Variants in POLR3A observed in about 807,000 individuals in gnomAD.
The protein encoded by POLR3A is RNA polymerase III subunit A.
Under a neutral mutation model 152.8 loss-of-function variants are expected in POLR3A, and 112 were observed. The ratio of observed to expected loss-of-function variants is 0.73; its 90% CI spans 0.63 to 0.86. The LOEUF (loss-of-function observed/expected upper bound fraction) is 0.86, where lower values mean the gene tolerates loss of function less well. POLR3A is among the 40% of genes least tolerant of loss of function. POLR3A has a pLI of 0.00. For synonymous variants in POLR3A, 615 were observed against 652.1 expected, an observed-to-expected ratio of 0.94 and a Z score of 0.87; for missense variants, 1,385 against 1,743.1, an observed-to-expected ratio of 0.79 and a Z score of 3.66.
At chr10:78,018,787 T>C (rs1485489090) in intron 9 of POLR3A, among the ~76,000 whole-genome samples, 2 of 152,236 alleles carry the variant, frequency 1.3e-5, no homozygotes, top group East Asian at 3.9e-4. Context: ...TTCTTTGCCA[T>C]ATTGGCCAGG....
chr10:77,982,626 C>A (rs1454095269), intron 27 of POLR3A, 27 bp downstream of exon 27: 2 of 1,608,706 alleles, frequency 1.2e-6, no homozygotes, highest in South Asian at 1.1e-5. Context: ...GATGCTGGGT[C>A]TCCATGAGAA....
chr10:78,010,383 C>T (rs1451374054), intron 12 of POLR3A, 88 bp downstream of exon 12: 1 of 1,058,046 alleles, frequency 9.5e-7, no homozygotes, highest in Admixed American at 1.7e-5. Context: ...TATTAAATAG[C>T]TTTTCAAGTC....
intron 5 of POLR3A, 42 bp from the exon 6 acceptor site, chr10:78,022,426 G>T: frequency 6.2e-7 from 1 of 1,605,918 alleles, no homozygotes. Context: ...TACTATGTTA[G>T]TTTTCCATAG....
chr10:77,993,399 T>A (rs1847268600), intron 19 of POLR3A, 32 bp from the exon 20 acceptor site: 1 of 1,581,206 alleles, frequency 6.3e-7, no homozygotes, highest in Non-Finnish European at 8.7e-7. Context: ...GCTCAGCTGC[T>A]TTGAGAAGAC....
At chr10:77,978,335 CTAAAT>C (rs1295093232) in intron 30 of POLR3A, among the ~76,000 whole-genome samples, 2 of 152,156 alleles carry the variant, frequency 1.3e-5, no homozygotes, top group Non-Finnish European at 2.9e-5. Context: ...AGGCAAACAA[CTAAAT>C]TAAAGACCAA....
At chr10:77,989,799 T>A (rs1156389174) in intron 21 of POLR3A, among the ~76,000 whole-genome samples, 2 of 152,052 alleles carry the variant, frequency 1.3e-5, no homozygotes, top group African/African-American at 4.8e-5. Context: ...GATAAATACG[T>A]AAACATGAGC....
chr10:78,001,771 G>T (rs972672556), intron 17 of POLR3A, among the ~76,000 whole-genome samples: 10 of 152,116 alleles, frequency 6.6e-5, no homozygotes, highest in African/African-American at 9.7e-5. Context: ...GATTAGCTGG[G>T]ACGACAGGCA....
intron 19 of POLR3A, among the ~76,000 whole-genome samples, chr10:77,995,215 T>A (rs562263315): frequency 6.6e-6 from 1 of 152,200 alleles, no homozygotes; most frequent in Non-Finnish European, 1.5e-5. Context: ...ACATGCCAAA[T>A]TGTAAAGACC....
In POLR3A at chr10:77,982,992, A is replaced by G. The variant is rs570866029; in HGVS notation, c.3430-175T>C. On this transcript the variant is annotated intron_variant, in intron 26 of 30. Coordinates refer to ENST00000372371, the MANE Select transcript of POLR3A (RefSeq NM_007055.4). ...TGTTTTATGTACTATATGTGTATAT[A>G]TATCTATGCTTTATTCATAAAAAGA... 1.8e-4 allele frequency among the ~76,000 whole-genome samples: 27 copies of G among 152,326 alleles called. No individual in the cohort carries two copies. The South Asian group carries it at 5.6e-3, about 32-fold the overall frequency.
intron 11 of POLR3A, 146 bp downstream of exon 11, chr10:78,013,504 T>A: frequency 1.3e-6 from 1 of 772,434 alleles, no homozygotes; most frequent in South Asian, 1.4e-5. Flanking sequence ...AAAAGAGAGA[T>A]ATATAGGCAG....
rs772908045 is a variant in POLR3A, at chr10:77,982,772, G to A, written c.3475C>T (p.Arg1159Cys). The part of the protein sequence containing the change: ...VRYSICTSKL[R>C]VKPGDVAVHG... ...ACAGCCACATCACCGGGCTTCACAC[G>A]GAGCTTGGATGTGCAGATGGAATAT... is the stretch of plus-strand genomic sequence containing the variant. Residue 1159 changes from arginine to cysteine, a missense_variant, in exon 27 of 31, where the codon CGT becomes TGT. Physicochemically the swap from Arg to Cys is radical, Grantham distance 180 (BLOSUM62 -3). This residue lies in a region of POLR3A where 332 missense variants were observed against 400.1 expected (regional missense o/e 0.83). Transcript: ENST00000372371. 22 of 1,614,028 alleles carry A rather than the reference G, an allele frequency of 1.4e-5. No individual in the cohort carries two copies. The highest frequency in any genetic ancestry group is 8.8e-5 in the South Asian group (8 of 91,062).
intron 6 of POLR3A, 56 bp from the exon 7 acceptor site, chr10:78,022,078 AT>A: frequency 6.2e-7 from 1 of 1,614,102 alleles, no homozygotes; most frequent in East Asian, 2.2e-5. Flanking sequence ...TTTTTCTCAC[AT>A]TTTCTTGACC....
chr10:77,981,324 C>T, intron 29 of POLR3A, 104 bp downstream of exon 29: 2 of 1,107,092 alleles, frequency 1.8e-6, no homozygotes, highest in South Asian at 1.2e-5. Context: ...TATGATGGTC[C>T]TCACAGCAGC....
rs575796773 is a variant in POLR3A, at chr10:78,025,008, C to T, written c.453G>A (p.Arg151=). Residue 151 remains arginine (R), a synonymous_variant, in exon 4 of 31, where the codon CGG becomes CGA. Coordinates refer to ENST00000372371, the MANE Select transcript of POLR3A (RefSeq NM_007055.4). ...CACAGTGATGGCAGATGTTTTTCTT[C>T]CGGCACTTGTCAGAGATTTTCTTTT... ...GLKKKISDKC[R]KKNICHHCGA... 1.2e-6 allele frequency: 2 copies of T among 1,614,078 alleles called. No homozygotes were observed. Among genetic ancestry groups the T allele is most frequent in the Non-Finnish European group, 1.7e-6 (2 of 1,180,050 alleles).
chr10:78,010,377 A>G lies in POLR3A; in HGVS notation c.1642+94T>C, dbSNP rs1022569205. 4.4e-5 allele frequency: 45 copies of G among 1,016,710 alleles called. No individual in the cohort carries two copies. In the African/African-American group the frequency reaches 6.3e-4, roughly 14 times the overall value. 63.0% of individuals were successfully genotyped at this position (1,016,710 alleles called of 1,614,324 possible). On this transcript the variant is annotated intron_variant, in intron 12 of 30. Coordinates refer to ENST00000372371, the MANE Select transcript of POLR3A (RefSeq NM_007055.4). ...AAAACCAAATTAAACACAGGCTATTAAATAGCTTTTCAAGTCATCACATGA... is the reference window on the plus strand; with the variant it reads ...AAAACCAAATTAAACACAGGCTATTGAATAGCTTTTCAAGTCATCACATGA...
chr10:78,009,152 CAAAAAAAAA>C (rs59670962), intron 14 of POLR3A, among the ~76,000 whole-genome samples: 5 of 33,000 alleles, frequency 1.5e-4, no homozygotes, highest in African/African-American at 3.3e-4. Flanking sequence ...GACTTAGTCT[CAAAAAAAAA>C]AAAAAAAAAA....
At chr10:78,017,762 C>T (rs1422460810) in intron 9 of POLR3A, 46 bp from the exon 10 acceptor site, 1 of 1,601,468 alleles carries the variant, frequency 6.2e-7, no homozygotes, top group East Asian at 2.2e-5. Context: ...AAAGTTCTCT[C>T]ACCAAGTTTC....
chr10:78,017,166 G>A (rs913083598), intron 10 of POLR3A, among the ~76,000 whole-genome samples: 6 of 151,638 alleles, frequency 4.0e-5, no homozygotes, highest in African/African-American at 7.3e-5. Context: ...GGCTACTCAC[G>A]CCTATAATCC....
At position 78,010,006 on chromosome 10, in the gene POLR3A, CCAACA is replaced by C; in HGVS notation, c.1643-20_1643-16del. On this transcript the variant is annotated splice_polypyrimidine_tract_variant and intron_variant, in intron 12 of 30. Coordinates refer to ENST00000372371, the MANE Select transcript of POLR3A (RefSeq NM_007055.4). Reference sequence around the variant, plus strand: ...GAGATAGGCACCTAAGCATTAGGAACCAACACAAAACAAAGAAAAGGAATGAAATT... The same window carrying C: ...GAGATAGGCACCTAAGCATTAGGAACCAAAACAAAGAAAAGGAATGAAATT... 6.2e-7 allele frequency: 1 copy of C among 1,613,722 alleles called. No individual in the cohort carries two copies. The highest frequency in any genetic ancestry group is 2.2e-5 in the East Asian group (1 of 44,864).
Sources: allele counts gnomAD v4.1 joint callset (sites outside exome capture counted in the v4.1 genomes callset), GRCh38; gene constraint gnomAD v4.1.1; regional missense constraint gnomAD v4.1.1; transcripts MANE v1.5; gene names NCBI Gene and HGNC (gene_info 2026-07-23, HGNC 2026-07-21).